Variants in MPDZ observed in about 807,000 individuals in gnomAD.
The protein encoded by MPDZ is multiple PDZ domain protein.
MPDZ carries 234 observed loss-of-function variants against 239.1 expected under a neutral mutation model. The observed-to-expected ratio is 0.98, with a 90% CI of 0.88 to 1.09. The LOEUF (loss-of-function observed/expected upper bound fraction) is 1.09. Among genes scored for constraint, MPDZ ranks in the 50% least tolerant of loss-of-function variants. MPDZ has a pLI of 0.00. For missense variants in MPDZ, 3,175 were observed against 2,510.0 expected, an observed-to-expected ratio of 1.26 and a Z score of -5.66; for synonymous variants, 1,048 against 881.3, an observed-to-expected ratio of 1.19 and a Z score of -3.35.
intron 17 of MPDZ, among the ~76,000 whole-genome samples, chr9:13,187,520 G>C (rs1954284747): frequency 6.6e-6 from 1 of 151,924 alleles, no homozygotes; most frequent in African/African-American, 2.4e-5. Context: ...TACAAGCCTG[G>C]TTCGATTTCA....
chr9:13,125,488 T>A, intron 34 of MPDZ, 98 bp from the exon 35 acceptor site: 1 of 1,134,836 alleles, frequency 8.8e-7, no homozygotes, highest in East Asian at 2.5e-5. Context: ...ATTCTCTCTA[T>A]GGTTAAGGGG....
chr9:13,136,349 T>TTTTTTTTTTTTTTTTTA (rs1946782722), intron 30 of MPDZ, among the ~76,000 whole-genome samples, 167 bp from the exon 31 acceptor site: 1 of 140,998 alleles, frequency 7.1e-6, no homozygotes, highest in African/African-American at 2.7e-5. Flanking sequence ...TTTTTTTTTT[T>TTTTTTTTTTTTTTTTTA]GAGACAGAGT....
chr9:13,179,020 C>T (rs1018787492), intron 19 of MPDZ, among the ~76,000 whole-genome samples: 2 of 152,038 alleles, frequency 1.3e-5, no homozygotes, highest in Admixed American at 6.6e-5. Flanking sequence ...TTTTTCTAAA[C>T]GGGTAATTAA....
intron 43 of MPDZ, among the ~76,000 whole-genome samples, chr9:13,111,511 G>C (rs1942468908): frequency 6.6e-6 from 1 of 152,214 alleles, no homozygotes; most frequent in Non-Finnish European, 1.5e-5. Context: ...GAGCTGGGCA[G>C]TTGGCATAAA....
rs143803461 is a variant in MPDZ, at chr9:13,177,694, A to G, written c.2650-1277T>C. Among the ~76,000 whole-genome samples the G allele has an allele frequency of 2.6e-5, 4 of 152,324 alleles. No homozygotes were observed. The East Asian group carries it at 7.7e-4, about 29-fold the overall frequency. ...ACTGTGAACCAGGATGCCTGAGTTCAAATCCTGGCTCAACACTAATTAAAT... is the reference window on the plus strand; with the variant it reads ...ACTGTGAACCAGGATGCCTGAGTTCGAATCCTGGCTCAACACTAATTAAAT... On this transcript the variant is annotated intron_variant, in intron 19 of 46. Transcript: ENST00000319217.
intron 1 of MPDZ, among the ~76,000 whole-genome samples, chr9:13,268,175 CATAG>C (rs1289738236): frequency 6.7e-6 from 1 of 148,698 alleles, no homozygotes; most frequent in African/African-American, 2.4e-5. Flanking sequence ...TATATACACA[CATAG>C]AGAGAGAGAG....
At chr9:13,236,267 ATTTT>A (rs1158772302) in intron 3 of MPDZ, among the ~76,000 whole-genome samples, 17 of 20,086 alleles carry the variant, frequency 8.5e-4, no homozygotes, top group South Asian at 2.4e-3. Flanking sequence ...ATATATATAT[ATTTT>A]TTTTTTTTTT....
intron 24 of MPDZ, among the ~76,000 whole-genome samples, chr9:13,157,098 G>T (rs1033141207): frequency 6.6e-6 from 1 of 152,168 alleles, no homozygotes; most frequent in Admixed American, 6.6e-5. Context: ...CTGGTGGGCA[G>T]GGGACGTCAT....
At chr9:13,160,830 T>TTACATATATATA (rs1950374474) in intron 23 of MPDZ, among the ~76,000 whole-genome samples, 1 of 37,978 alleles carries the variant, frequency 2.6e-5, no homozygotes, top group Admixed American at 5.0e-4. Context: ...ATTATTAAAA[T>TTACATATATATA]TATATATATA....
At chr9:13,276,397 T>C (rs534266289) in intron 1 of MPDZ, among the ~76,000 whole-genome samples, 4 of 152,310 alleles carry the variant, frequency 2.6e-5, no homozygotes, top group East Asian at 3.9e-4. Flanking sequence ...ACTGTACTTA[T>C]ATAAATGCTC....
chr9:13,230,153 A>G (rs896049496), intron 3 of MPDZ, among the ~76,000 whole-genome samples: 12 of 152,170 alleles, frequency 7.9e-5, no homozygotes, highest in African/African-American at 2.9e-4. Context: ...CTGCGTACCT[A>G]TCAGAATGGT....
chr9:13,192,073 A>C (rs1955001807), intron 15 of MPDZ, 58 bp downstream of exon 15: 1 of 1,351,598 alleles, frequency 7.4e-7, no homozygotes, highest in Non-Finnish European at 9.7e-7. Flanking sequence ...AAAAATTTTA[A>C]GCCATTTAGC....
At chr9:13,209,222 T>C (rs1281390265) in intron 10 of MPDZ, among the ~76,000 whole-genome samples, 1 of 152,088 alleles carries the variant, frequency 6.6e-6, no homozygotes, top group Non-Finnish European at 1.5e-5. Flanking sequence ...CTAAGCTGGG[T>C]TGCATGTAAT....
At chr9:13,201,593 G>C (rs952701845) in intron 12 of MPDZ, among the ~76,000 whole-genome samples, 1 of 151,746 alleles carries the variant, frequency 6.6e-6, no homozygotes, top group Non-Finnish European at 1.5e-5. Flanking sequence ...AATTCTCATA[G>C]GTCTCCTTCA....
intron 3 of MPDZ, among the ~76,000 whole-genome samples, chr9:13,241,102 A>C (rs1238993036): frequency 6.6e-6 from 1 of 152,202 alleles, no homozygotes; most frequent in Non-Finnish European, 1.5e-5. Flanking sequence ...CTATATTTAC[A>C]AACTTTTAGC....
chr9:13,235,830 G>A (rs567342336), intron 3 of MPDZ, among the ~76,000 whole-genome samples: 2 of 152,126 alleles, frequency 1.3e-5, no homozygotes, highest in South Asian at 2.1e-4. Context: ...ATTAAAGACA[G>A]AAAGCAAAGA....
intron 1 of MPDZ, among the ~76,000 whole-genome samples, chr9:13,273,687 A>C (rs1276935931): frequency 1.3e-5 from 2 of 152,254 alleles, no homozygotes; most frequent in Non-Finnish European, 2.9e-5. Context: ...TAAAGAAAAA[A>C]GCAGAAGTAG....
In MPDZ at chr9:13,251,060, C is replaced by T. The variant is rs137954512; in HGVS notation, c.-57-688G>A. On this transcript the variant is annotated intron_variant, in intron 1 of 46. Transcript: ENST00000319217. ...AGGGGAATCACTTGAACCCAGGAAG[C>T]GGTGGTTGCGGTGAGCCGAGATCAT... Among the ~76,000 whole-genome samples, 379 of 126,768 alleles carry T rather than the reference C, an allele frequency of 3.0e-3. 2 individuals carry two copies. Among genetic ancestry groups the T allele is most frequent in the African/African-American group, 0.011 (361 of 32,970 alleles). 83.2% of individuals were successfully genotyped at this position (126,768 alleles called of 152,430 possible).
Position 13,271,293 on chromosome 9 carries a change from G to C in MPDZ, c.-58+8107C>G, listed in dbSNP as rs796076934. Among the ~76,000 whole-genome samples, 36 of 152,238 alleles carry C rather than the reference G, an allele frequency of 2.4e-4. 1 individual carries two copies. The highest frequency in any genetic ancestry group is 8.7e-4 in the African/African-American group (36 of 41,530). On this transcript the variant is annotated intron_variant, in intron 1 of 46. Coordinates refer to ENST00000319217, the MANE Select transcript of MPDZ (RefSeq NM_001378778.1). The stretch of plus-strand genomic sequence containing the variant: ...CTGAGAAACACCATCAAATACAAAA[G>C]TCGGACTCACACAGTTGAATCCAAA...
Sources: allele counts gnomAD v4.1 joint callset (sites outside exome capture counted in the v4.1 genomes callset), GRCh38; gene constraint gnomAD v4.1.1; transcripts MANE v1.5; gene names NCBI Gene and HGNC (gene_info 2026-07-23, HGNC 2026-07-21).